The following RHOBTB3 variants were observed in gnomAD, a reference collection of about 807,000 sequenced individuals.
RHOBTB3 encodes the protein rho-related BTB domain-containing protein 3.
A neutral mutation model predicts 67.2 loss-of-function variants in RHOBTB3; 47 were observed. The observed-to-expected ratio is 0.70, with a 90% CI of 0.55 to 0.89. The LOEUF is 0.89. RHOBTB3 is among the 40% of genes least tolerant of loss of function. The probability of loss-of-function intolerance (pLI) is 0.00; values close to 1 mark genes in which losing one functional copy is unlikely to be tolerated. For synonymous variants in RHOBTB3, 273 were observed against 274.2 expected, an observed-to-expected ratio of 1.00 and a Z score of 0.04; for missense variants, 631 against 750.0, an observed-to-expected ratio of 0.84 and a Z score of 1.85.
intron 3 of RHOBTB3, among the ~76,000 whole-genome samples, chr5:95,740,474 A>T (rs943004494): frequency 5.3e-5 from 8 of 152,230 alleles, no homozygotes; most frequent in Non-Finnish European, 1.0e-4. Flanking sequence ...GAGCTGCCTG[A>T]TACAAGATGA....
rs1237366505 is a variant in RHOBTB3 at position 95,795,899 on chromosome 5, G to GACTACTCTATGTTCTACTCTATGGT, written c.*2726_*2727insCTACTCTATGTTCTACTCTATGGTA. The stretch of plus-strand genomic sequence containing the variant: ...ATATATTTCCCAGTCATTTTAATTA[G>GACTACTCTATGTTCTACTCTATGGT]AGAAGATACTCTATGGTAGAACTAA... On this transcript the variant is annotated 3_prime_UTR_variant, in exon 12 of 12. Coordinates refer to ENST00000379982, the MANE Select transcript of RHOBTB3 (RefSeq NM_014899.4). The GACTACTCTATGTTCTACTCTATGGT allele has an allele frequency of 3.7e-4, 57 of 152,302 alleles. No individual in the cohort carries two copies. In the East Asian group the frequency reaches 8.9e-3, roughly 24 times the overall value. 9.4% of individuals were successfully genotyped at this position (152,302 alleles called of 1,614,324 possible).
intron 8 of RHOBTB3, among the ~76,000 whole-genome samples, chr5:95,772,789 G>A (rs1311345249): frequency 1.3e-5 from 2 of 152,112 alleles, no homozygotes; most frequent in African/African-American, 4.8e-5. Flanking sequence ...CCTAAACTTG[G>A]GAATCCACCA....
chr5:95,771,421 T>G (rs1209041689), intron 8 of RHOBTB3, among the ~76,000 whole-genome samples: 1 of 152,184 alleles, frequency 6.6e-6, no homozygotes, highest in African/African-American at 2.4e-5. Flanking sequence ...ATGGAAACTT[T>G]CCAATGTACC....
rs539990691 is a variant in RHOBTB3, at chr5:95,748,486, T to A, written c.569T>A (p.Val190Glu). Residue 190 changes from valine (V) to glutamate (E), a missense_variant and splice_region_variant, in exon 4 of 12, where the codon GTG becomes GAG. Transcript: ENST00000379982. ...DFYIGKYFGG[V>E]LEYFMIQALN... ...TACATAGGAAAGTATTTTGGAGGAG[T>A]GGTAAGTGGAAATTCCTGTTAAGTA... 5.0e-6 allele frequency: 8 copies of A among 1,604,768 alleles called. No individual in the cohort carries two copies. In the Admixed American group the frequency reaches 1.4e-4, roughly 27 times the overall value.
chr5:95,771,626 A>G (rs113069398), intron 8 of RHOBTB3, among the ~76,000 whole-genome samples: 1 of 152,348 alleles, frequency 6.6e-6, no homozygotes, highest in East Asian at 1.9e-4. Flanking sequence ...TCACACCTTG[A>G]TTTATTTGTT....
At chr5:95,738,931 C>T (rs1418566085) in intron 3 of RHOBTB3, among the ~76,000 whole-genome samples, 1 of 152,136 alleles carries the variant, frequency 6.6e-6, no homozygotes, top group East Asian at 1.9e-4. Context: ...AACTATCTGT[C>T]TCCTTTGCCT....
chr5:95,758,652 G>A (rs1450415283), intron 6 of RHOBTB3, among the ~76,000 whole-genome samples: 2 of 152,230 alleles, frequency 1.3e-5, no homozygotes, highest in Non-Finnish European at 2.9e-5. Flanking sequence ...GCCTCAGGAA[G>A]GCCAACATTC....
intron 1 of RHOBTB3, among the ~76,000 whole-genome samples, chr5:95,725,836 AAACAACT>A (rs1034089456): frequency 5.3e-5 from 8 of 151,976 alleles, no homozygotes; most frequent in African/African-American, 1.7e-4. Context: ...TGTTTAGTCA[AAACAACT>A]AATCCATCAG....
At chr5:95,723,183 TAA>T (rs948879568) in intron 1 of RHOBTB3, among the ~76,000 whole-genome samples, 1 of 145,874 alleles carries the variant, frequency 6.9e-6, no homozygotes. Context: ...CTGATGAACT[TAA>T]AAAAAAAAAG....
chr5:95,763,680 A>G (rs954295135), intron 7 of RHOBTB3, 60 bp downstream of exon 7: 8 of 923,624 alleles, frequency 8.7e-6, no homozygotes, highest in East Asian at 2.4e-5. Flanking sequence ...CTCACATACT[A>G]TGATGAATAT....
chr5:95,737,977 A>G (rs1755493526), intron 3 of RHOBTB3, among the ~76,000 whole-genome samples: 1 of 152,212 alleles, frequency 6.6e-6, no homozygotes, highest in African/African-American at 2.4e-5. Flanking sequence ...ATTATATGGT[A>G]TGTAGTAGTG....
chr5:95,758,680 G>A (rs1745314807), intron 6 of RHOBTB3, among the ~76,000 whole-genome samples: 1 of 152,210 alleles, frequency 6.6e-6, no homozygotes, highest in Non-Finnish European at 1.5e-5. Flanking sequence ...GGGTGGCCCT[G>A]CCATTGGCCC....
chr5:95,731,612 C>T lies in RHOBTB3; in HGVS notation c.-71C>T. ...GAGCGGATTGCGGGTGAACTCGCCGCCCGGGGGCCCCGCGAAGCCGTGAGC... is the reference window on the plus strand; with the variant it reads ...GAGCGGATTGCGGGTGAACTCGCCGTCCGGGGGCCCCGCGAAGCCGTGAGC... On this transcript the variant is annotated 5_prime_UTR_variant, in exon 1 of 12. Transcript: ENST00000379982. 3.1e-6 allele frequency: 5 copies of T among 1,601,344 alleles called. No individual in the cohort carries two copies. The highest frequency in any genetic ancestry group is 4.3e-6 in the Non-Finnish European group (5 of 1,174,590).
chr5:95,785,469 C>G (rs1746197234), intron 10 of RHOBTB3, among the ~76,000 whole-genome samples: 1 of 151,820 alleles, frequency 6.6e-6, no homozygotes, highest in Admixed American at 6.6e-5. Flanking sequence ...TGGCGGGTGC[C>G]TGTAGTCCCA....
At chr5:95,786,621 A>G (rs1393757780) in intron 10 of RHOBTB3, among the ~76,000 whole-genome samples, 4 of 152,178 alleles carry the variant, frequency 2.6e-5, no homozygotes, top group African/African-American at 4.8e-5. Context: ...ATTTTAATGC[A>G]TCTTCTTATT....
intron 8 of RHOBTB3, 36 bp from the exon 9 acceptor site, chr5:95,780,216 C>G (rs779228928): frequency 1.3e-6 from 2 of 1,588,952 alleles, no homozygotes; most frequent in South Asian, 2.2e-5. Context: ...GCAGGTTTAT[C>G]TCACTTGTTT....
Position 95,745,585 on chromosome 5 carries a change from C to T in RHOBTB3, c.416-2748C>T, listed in dbSNP as rs566025969. Among the ~76,000 whole-genome samples the T allele has an allele frequency of 2.0e-5, 3 of 152,018 alleles. No homozygotes were observed. In the East Asian group the frequency reaches 5.8e-4, roughly 29 times the overall value. The stretch of plus-strand genomic sequence containing the variant: ...TTGTAAGAATTAACCTGCAGGTTCC[C>T]AAAGCCACTACTTTTCAAAGATGTT... On this transcript the variant is annotated intron_variant, in intron 3 of 11. Coordinates refer to ENST00000379982, the MANE Select transcript of RHOBTB3 (RefSeq NM_014899.4).
chr5:95,732,471 AAT>A (rs1755317441), intron 2 of RHOBTB3: 1 of 370,950 alleles, frequency 2.7e-6, no homozygotes. Flanking sequence ...GTGTTCTAAA[AAT>A]ACATCCCTCT....
intron 8 of RHOBTB3, among the ~76,000 whole-genome samples, chr5:95,776,426 A>G (rs932119030): frequency 6.6e-6 from 1 of 151,948 alleles, no homozygotes; most frequent in Non-Finnish European, 1.5e-5. Context: ...AAAAATAAAA[A>G]ATAAAAAAAT....
Sources: gnomAD v4.1 joint callset for allele counts (sites outside exome capture counted in the v4.1 genomes callset) on GRCh38, gnomAD v4.1.1 for gene constraint, MANE v1.5 for transcripts, NCBI Gene and HGNC (gene_info 2026-07-23, HGNC 2026-07-21) for gene names.